MYO1H: variants seen among roughly 807,000 people sequenced by gnomAD.
MYO1H encodes unconventional myosin-Ih.
In MYO1H, 118 loss-of-function variants were observed where a neutral mutation model predicts 149.3. The observed-to-expected ratio is 0.79, with a 90% CI of 0.68 to 0.92. The LOEUF (loss-of-function observed/expected upper bound fraction) is 0.92. Ranked by LOEUF, MYO1H falls within the 40% of genes least tolerant of loss-of-function variation. MYO1H has a pLI of 0.00. For missense variants in MYO1H, 1,212 were observed against 1,280.7 expected, an observed-to-expected ratio of 0.95 and a Z score of 0.82; for synonymous variants, 447 against 465.2, an observed-to-expected ratio of 0.96 and a Z score of 0.50.
At chr12:109,428,001 A>G (rs1235525554) in intron 19 of MYO1H, among the ~76,000 whole-genome samples, 1 of 137,122 alleles carries the variant, frequency 7.3e-6, no homozygotes, top group East Asian at 2.2e-4. Context: ...TGGGAGGATC[A>G]CCTGAGCCTG....
rs80016262 is a variant in MYO1H, at chr12:109,379,666, G to A, written c.13-9017G>A. ...TTGCAAACATTAGCCTAAGAAAAGA[G>A]GAAAACAAATCTACATGTAAATTGC... On this transcript the variant is annotated intron_variant, in intron 1 of 31. Transcript: ENST00000310903. Among the ~76,000 whole-genome samples, 1,004 of 150,564 alleles carry A rather than the reference G, an allele frequency of 6.7e-3. 12 individuals carry two copies. Among genetic ancestry groups the A allele is most frequent in the African/African-American group, 0.023 (962 of 41,006 alleles).
the MYO1H span, among the ~76,000 whole-genome samples, chr12:109,324,945 C>T: frequency 5.7e-3 from 872 of 152,220 alleles, 8 homozygotes; most frequent in African/African-American, 0.02. Context: ...TCGTTCAACT[C>T]CCATTTATGA....
chr12:109,390,728 C>T (rs755875474), intron 2 of MYO1H, among the ~76,000 whole-genome samples: 5 of 151,610 alleles, frequency 3.3e-5, no homozygotes, highest in Non-Finnish European at 5.9e-5. Flanking sequence ...GCAGTGGCCC[C>T]GATCTTGGCT....
intron 2 of MYO1H, among the ~76,000 whole-genome samples, chr12:109,389,234 G>A (rs1807723449): frequency 6.6e-6 from 1 of 152,290 alleles, no homozygotes; most frequent in Non-Finnish European, 1.5e-5. Context: ...TCAGCTCAGG[G>A]TTGCTGCAGA....
chr12:109,312,772 T>C, the MYO1H span, among the ~76,000 whole-genome samples: 1 of 131,900 alleles, frequency 7.6e-6, no homozygotes, highest in Non-Finnish European at 1.6e-5. Flanking sequence ...TTTTTTTGTT[T>C]GTTTTTTGTT....
intron 6 of MYO1H, 62 bp downstream of exon 6, chr12:109,401,334 A>G: frequency 6.6e-7 from 1 of 1,505,126 alleles, no homozygotes; most frequent in Non-Finnish European, 9.0e-7. Context: ...AGATGTTTCT[A>G]CGTGCTGCTG....
chr12:109,420,788 T>TCCCACAATGCATGGGACAGCCCCC (rs1482857371), intron 15 of MYO1H, among the ~76,000 whole-genome samples, 193 bp from the exon 16 acceptor site: 1 of 152,010 alleles, frequency 6.6e-6, no homozygotes, highest in Non-Finnish European at 1.5e-5. Flanking sequence ...CTTCTCAACA[T>TCCCACAATGCATGGGACAGCCCCC]CCCACAATGC....
chr12:109,447,229 G>A, exon 32 of MYO1H: 7 of 1,549,746 alleles, frequency 4.5e-6, no homozygotes, highest in Middle Eastern at 1.7e-4. Flanking sequence ...TGCTCCAACT[G>A]AGGAAACTAC....
At chr12:109,327,762 GAAAA>G in the MYO1H span, among the ~76,000 whole-genome samples, 1 of 131,278 alleles carries the variant, frequency 7.6e-6, no homozygotes, top group Non-Finnish European at 1.6e-5. Context: ...AAAAAAGAAA[GAAAA>G]AAAAGAAAAA....
chr12:109,380,965 C>G (rs1408895189), intron 1 of MYO1H, among the ~76,000 whole-genome samples: 1 of 152,038 alleles, frequency 6.6e-6, no homozygotes, highest in Non-Finnish European at 1.5e-5. Flanking sequence ...AGGTTAAGTT[C>G]AAACCTCTTC....
At chr12:109,403,604 A>G (rs1369158589) in intron 6 of MYO1H, among the ~76,000 whole-genome samples, 2 of 152,196 alleles carry the variant, frequency 1.3e-5, no homozygotes, top group African/African-American at 2.4e-5. Context: ...TCTCTAAGTG[A>G]GTCAGGAGTT....
At chr12:109,447,203 C>T in exon 32 of MYO1H, 1 of 1,587,864 alleles carries the variant, frequency 6.3e-7, no homozygotes, top group Non-Finnish European at 8.6e-7. Context: ...CGTCTGACCT[C>T]TACCATCGCC....
chr12:109,362,088 A>G (rs1175719475), intron 1 of MYO1H, among the ~76,000 whole-genome samples: 1 of 152,232 alleles, frequency 6.6e-6, no homozygotes, highest in African/African-American at 2.4e-5. Flanking sequence ...AAGAAAGCAG[A>G]TAGACAATAT....
At chr12:109,427,315 T>TAA (rs1351274976) in intron 18 of MYO1H, among the ~76,000 whole-genome samples, 154 bp from the exon 19 acceptor site, 11 of 48,660 alleles carry the variant, frequency 2.3e-4, no homozygotes, top group African/African-American at 1.2e-3. Flanking sequence ...AAACCCCATC[T>TAA]CAAAAAAAAA....
chr12:109,363,782 C>T (rs536192284), intron 1 of MYO1H, among the ~76,000 whole-genome samples: 6 of 152,130 alleles, frequency 3.9e-5, no homozygotes, highest in African/African-American at 1.4e-4. Flanking sequence ...TGGGAGAAGT[C>T]AGAGGAGGAG....
chr12:109,432,819 G>T, intron 19 of MYO1H, 78 bp from the exon 20 acceptor site: 1 of 1,189,220 alleles, frequency 8.4e-7, no homozygotes, highest in Non-Finnish European at 1.3e-6. Context: ...TGCTCAGCAG[G>T]CCTCTGGGGC....
intron 11 of MYO1H, 110 bp downstream of exon 11, chr12:109,409,734 G>C (rs957803715): frequency 4.2e-5 from 41 of 974,920 alleles, no homozygotes; most frequent in African/African-American, 2.3e-4. Flanking sequence ...TCCCCAGAAA[G>C]TCTCTAGATT....
rs560559776 is a variant in MYO1H, at chr12:109,381,362, A to G, written c.13-7321A>G. ...CAGGAGTTCAAGATTACAGTGAGCTATGACTGCACTACCGCAGTCCAGGCT... is the reference window on the plus strand; with the variant it reads ...CAGGAGTTCAAGATTACAGTGAGCTGTGACTGCACTACCGCAGTCCAGGCT... On this transcript the variant is annotated intron_variant, in intron 1 of 31. Transcript: ENST00000310903. 1.5e-4 allele frequency among the ~76,000 whole-genome samples: 23 copies of G among 152,300 alleles called. No individual in the cohort carries two copies. The South Asian group carries it at 1.9e-3, about 12-fold the overall frequency.
chr12:109,420,623 C>A (rs545102387), intron 15 of MYO1H, among the ~76,000 whole-genome samples: 1 of 152,156 alleles, frequency 6.6e-6, no homozygotes, highest in Non-Finnish European at 1.5e-5. Context: ...ATCCAATCAC[C>A]CCCAACCAGG....
Sources: gnomAD v4.1 joint callset for allele counts (sites outside exome capture counted in the v4.1 genomes callset) on GRCh38, gnomAD v4.1.1 for gene constraint, MANE v1.5 for transcripts, NCBI Gene and HGNC (gene_info 2026-07-23, HGNC 2026-07-21) for gene names.